Variants in BTBD9 observed in about 807,000 individuals in gnomAD.
BTBD9 encodes BTB/POZ domain-containing protein 9.
A neutral mutation model predicts 64.3 loss-of-function variants in BTBD9; 49 were observed. That is an observed-to-expected ratio of 0.76 (90% CI 0.61 to 0.97). The LOEUF (loss-of-function observed/expected upper bound fraction) is 0.97. Ranked by LOEUF, BTBD9 falls within the 50% of genes least tolerant of loss-of-function variation. BTBD9 has a pLI of 0.00. For missense variants in BTBD9, 598 were observed against 762.1 expected (o/e 0.78, Z 2.53); for synonymous variants, 260 against 274.7 (o/e 0.95, Z 0.53).
At chr6:38,517,339 CA>C (rs1416952984) in intron 6 of BTBD9, among the ~76,000 whole-genome samples, 1 of 152,100 alleles carries the variant, frequency 6.6e-6, no homozygotes, top group Non-Finnish European at 1.5e-5. Context: ...AATGCTACAG[CA>C]AAAAAAGTTT....
At chr6:38,598,791 C>A (rs1337680826) in intron 1 of BTBD9, among the ~76,000 whole-genome samples, 2 of 152,064 alleles carry the variant, frequency 1.3e-5, no homozygotes, top group African/African-American at 4.8e-5. Context: ...GTGGCGCATG[C>A]CTGTAATCCC....
intron 6 of BTBD9, among the ~76,000 whole-genome samples, chr6:38,545,837 AACACACACACACACACATACACAC>A (rs1348166232): frequency 8.9e-6 from 1 of 112,848 alleles, no homozygotes; most frequent in Non-Finnish European, 1.8e-5. Context: ...TAATATTTAA[AACACACACACACACACATACACAC>A]ACACACACAC....
At chr6:38,499,899 T>C (rs79344495) in intron 6 of BTBD9, among the ~76,000 whole-genome samples, 1 of 152,184 alleles carries the variant, frequency 6.6e-6, no homozygotes, top group Non-Finnish European at 1.5e-5. Context: ...CTGAATAAGT[T>C]TTCCTGTCTA....
In BTBD9 at chr6:38,172,015, C is replaced by G. The variant is rs933144209; in HGVS notation, c.*2970G>C. 1 of 152,082 alleles carries G rather than the reference C, an allele frequency of 6.6e-6. No homozygotes were observed. The highest frequency in any genetic ancestry group is 2.4e-5 in the African/African-American group (1 of 41,414). 9.4% of individuals were successfully genotyped at this position (152,082 alleles called of 1,614,324 possible). ...TCCATTGGTTACTGAGGACCATTGC[C>G]CTCATGGGCCCAGGCCACAGGCACC... On this transcript the variant is annotated 3_prime_UTR_variant, in exon 11 of 11. Transcript: ENST00000481247.
chr6:38,543,339 T>A (rs12193868), intron 6 of BTBD9, among the ~76,000 whole-genome samples: 28,889 of 152,174 alleles, frequency 0.19, 3,512 homozygotes, highest in Non-Finnish European at 0.29. Flanking sequence ...ATCTTTAACA[T>A]TACCTTGCTT....
intron 6 of BTBD9, among the ~76,000 whole-genome samples, chr6:38,520,409 C>T (rs189676721): frequency 2.2e-4 from 33 of 151,774 alleles, no homozygotes; most frequent in Non-Finnish European, 3.8e-4. Flanking sequence ...TGCAGTGAGC[C>T]GAGATCACAC....
At chr6:38,533,846 T>C (rs780219325) in intron 6 of BTBD9, among the ~76,000 whole-genome samples, 11 of 151,860 alleles carry the variant, frequency 7.2e-5, no homozygotes, top group Non-Finnish European at 1.5e-4. Context: ...CAAATGATAA[T>C]GAAAACACAA....
At chr6:38,464,702 G>T (rs1770263138) in intron 6 of BTBD9, among the ~76,000 whole-genome samples, 3 of 152,050 alleles carry the variant, frequency 2.0e-5, no homozygotes, top group African/African-American at 7.2e-5. Flanking sequence ...CACCAAGTTG[G>T]CCAGGCTAGT....
rs1762502920 is a variant in BTBD9, at chr6:38,202,521, T to C, written c.1563-9924A>G. ...TTGCAGTCACTACCTGACTTCAAAA[T>C]ATAGTACAAGGCTATAGTAATCAAA... On this transcript the variant is annotated intron_variant, in intron 9 of 10. Transcript: ENST00000481247. 3.3e-5 allele frequency among the ~76,000 whole-genome samples: 5 copies of C among 152,074 alleles called. No individual in the cohort carries two copies. In the South Asian group the frequency reaches 1.0e-3, roughly 32 times the overall value.
chr6:38,272,096 T>C (rs1765217055), intron 8 of BTBD9, among the ~76,000 whole-genome samples: 1 of 152,062 alleles, frequency 6.6e-6, no homozygotes, highest in South Asian at 2.1e-4. Context: ...CTCAAACTGA[T>C]AGGATAGTCA....
intron 7 of BTBD9, among the ~76,000 whole-genome samples, chr6:38,343,232 G>A (rs1197165598): frequency 2.0e-5 from 3 of 152,204 alleles, no homozygotes; most frequent in South Asian, 4.1e-4. Context: ...TTCTGATGAT[G>A]CTGACTAGTT....
chr6:38,513,019 T>C (rs1772843276), intron 6 of BTBD9, among the ~76,000 whole-genome samples: 1 of 152,230 alleles, frequency 6.6e-6, no homozygotes, highest in Non-Finnish European at 1.5e-5. Context: ...CATACACTCC[T>C]AGTATAAATT....
chr6:38,174,696 C>T lies in BTBD9; in HGVS notation c.*289G>A, dbSNP rs1766921670. 7 of 426,878 alleles carry T rather than the reference C, an allele frequency of 1.6e-5. No homozygotes were observed. Among genetic ancestry groups the T allele is most frequent in the South Asian group, 1.3e-4 (3 of 22,798 alleles). 26.4% of individuals were successfully genotyped at this position (426,878 alleles called of 1,614,324 possible). A position where few individuals can be genotyped will look rare whatever the true frequency, so the allele number is the denominator to read the frequency against. On this transcript the variant is annotated 3_prime_UTR_variant, in exon 11 of 11. Coordinates refer to ENST00000481247, the MANE Select transcript of BTBD9 (RefSeq NM_001099272.2). ...GTCTATGACTTCCTCCTGTTCCCTG[C>T]GCCTGGGCTAGATTAGAGAGGTAGG... is the stretch of plus-strand genomic sequence containing the variant.
intron 6 of BTBD9, among the ~76,000 whole-genome samples, chr6:38,543,587 C>G (rs911341133): frequency 3.9e-5 from 6 of 152,120 alleles, no homozygotes; most frequent in African/African-American, 1.4e-4. Flanking sequence ...TGCAGGTTGG[C>G]ATGCCATGAC....
At chr6:38,415,919 G>C (rs1249736566) in intron 6 of BTBD9, among the ~76,000 whole-genome samples, 4 of 152,028 alleles carry the variant, frequency 2.6e-5, no homozygotes, top group African/African-American at 7.2e-5. Context: ...CTGACTTCGG[G>C]ATCAAGTTCA....
At chr6:38,253,894 C>T (rs1309939378) in intron 9 of BTBD9, among the ~76,000 whole-genome samples, 2 of 151,404 alleles carry the variant, frequency 1.3e-5, no homozygotes, top group Non-Finnish European at 2.9e-5. Context: ...GGATTTAAAT[C>T]TCAGCTCTGC....
chr6:38,620,652 TACA>T (rs1777952369), intron 1 of BTBD9, among the ~76,000 whole-genome samples: 1 of 152,178 alleles, frequency 6.6e-6, no homozygotes, highest in African/African-American at 2.4e-5. Context: ...CAGCTCTGCC[TACA>T]ACAAGTCAAA....
At chr6:38,214,034 T>TAATAA in intron 9 of BTBD9, among the ~76,000 whole-genome samples, 1 of 149,950 alleles carries the variant, frequency 6.7e-6, no homozygotes. Flanking sequence ...ATAATAATAA[T>TAATAA]TTCTCCCTCT....
intron 7 of BTBD9, among the ~76,000 whole-genome samples, chr6:38,317,319 T>C (rs1763064666): frequency 6.6e-6 from 1 of 152,200 alleles, no homozygotes; most frequent in Admixed American, 6.5e-5. Flanking sequence ...AAACATGTCA[T>C]GCCACTCTCT....
Sources: allele counts gnomAD v4.1 joint callset (sites outside exome capture counted in the v4.1 genomes callset), GRCh38; gene constraint gnomAD v4.1.1; transcripts MANE v1.5; gene names NCBI Gene and HGNC (gene_info 2026-07-23, HGNC 2026-07-21).